Variants in CUL3 observed in about 807,000 individuals in gnomAD.
CUL3 encodes cullin 3.
In CUL3, 19 loss-of-function variants were observed where a neutral mutation model predicts 89.1. The ratio of observed to expected loss-of-function variants is 0.21; its 90% CI spans 0.15 to 0.31. The LOEUF (loss-of-function observed/expected upper bound fraction) is 0.31. Ranked by LOEUF, CUL3 falls within the 10% of genes least tolerant of loss-of-function variation. CUL3 has a pLI of 1.00. For missense variants in CUL3, 469 were observed against 942.3 expected, an observed-to-expected ratio of 0.50 and a Z score of 6.58; for synonymous variants, 351 against 308.4, an observed-to-expected ratio of 1.14 and a Z score of -1.45.
intron 1 of CUL3, among the ~76,000 whole-genome samples, chr2:224,573,126 C>T (rs1428411063): frequency 6.6e-6 from 1 of 152,114 alleles, no homozygotes. Context: ...TAAATTATTA[C>T]TAGAGAATTT....
At chr2:224,542,971 G>A (rs1311753829) in intron 2 of CUL3, among the ~76,000 whole-genome samples, 1 of 152,186 alleles carries the variant, frequency 6.6e-6, no homozygotes, top group Non-Finnish European at 1.5e-5. Flanking sequence ...AGAGCTGAAG[G>A]ACATAATGTG....
chr2:224,523,124 G>T (rs1295276771), intron 3 of CUL3, among the ~76,000 whole-genome samples: 1 of 152,140 alleles, frequency 6.6e-6, no homozygotes, highest in Non-Finnish European at 1.5e-5. Context: ...ACCTGTATTA[G>T]AGAAGCAATA....
intron 13 of CUL3, among the ~76,000 whole-genome samples, chr2:224,490,189 C>T (rs930415866): frequency 6.6e-5 from 10 of 152,176 alleles, no homozygotes; most frequent in South Asian, 2.1e-4. Context: ...TCAGTGGTCA[C>T]GCTCCTAGTC....
intron 2 of CUL3, among the ~76,000 whole-genome samples, chr2:224,556,051 C>A (rs892339099): frequency 6.6e-6 from 1 of 152,244 alleles, no homozygotes; most frequent in African/African-American, 2.4e-5. Context: ...AACACAATCA[C>A]CTTGCTTCAT....
chr2:224,554,792 T>TA (rs1321412928), intron 2 of CUL3, among the ~76,000 whole-genome samples: 1 of 152,222 alleles, frequency 6.6e-6, no homozygotes, highest in Admixed American at 6.5e-5. Context: ...CTTCCAAGTT[T>TA]ACTTCTTTTC....
intron 6 of CUL3, among the ~76,000 whole-genome samples, chr2:224,509,867 G>C (rs908906609): frequency 6.6e-6 from 1 of 152,190 alleles, no homozygotes; most frequent in African/African-American, 2.4e-5. Context: ...CAGTCTACCA[G>C]AGACCACTTA....
intron 3 of CUL3, among the ~76,000 whole-genome samples, chr2:224,534,949 C>A (rs937843076): frequency 6.6e-6 from 1 of 151,036 alleles, no homozygotes; most frequent in Non-Finnish European, 1.5e-5. Context: ...TGCAGTGAGC[C>A]GAGATCATGC....
chr2:224,491,046 T>C (rs1228788183), intron 13 of CUL3, among the ~76,000 whole-genome samples: 1 of 152,202 alleles, frequency 6.6e-6, no homozygotes, highest in Non-Finnish European at 1.5e-5. Flanking sequence ...ACAAATTCCT[T>C]CCCCTTTCAC....
chr2:224,571,622 G>T (rs1193555517), intron 1 of CUL3, among the ~76,000 whole-genome samples: 1 of 151,524 alleles, frequency 6.6e-6, no homozygotes, highest in Non-Finnish European at 1.5e-5. Flanking sequence ...CTATAAGTCT[G>T]TTTAAAACTT....
chr2:224,491,747 G>A (rs536981487), intron 13 of CUL3, among the ~76,000 whole-genome samples: 141 of 152,234 alleles, frequency 9.3e-4, no homozygotes, highest in African/African-American at 3.2e-3. Flanking sequence ...CTAAGGTGGC[G>A]ATGAGTCCCC....
intron 1 of CUL3, among the ~76,000 whole-genome samples, chr2:224,562,296 A>G (rs1299152128): frequency 6.6e-6 from 1 of 151,984 alleles, no homozygotes; most frequent in Non-Finnish European, 1.5e-5. Context: ...GGGCTGCAGG[A>G]AAAAATGTTC....
chr2:224,497,142 T>C (rs1314263522), intron 12 of CUL3, among the ~76,000 whole-genome samples: 1 of 152,154 alleles, frequency 6.6e-6, no homozygotes, highest in Non-Finnish European at 1.5e-5. Flanking sequence ...GATGACAATT[T>C]AGGTATATTT....
intron 1 of CUL3, among the ~76,000 whole-genome samples, chr2:224,576,845 ACTCT>A (rs566111128): frequency 1.2e-4 from 18 of 152,158 alleles, no homozygotes; most frequent in Admixed American, 8.5e-4. Context: ...TTACACACTT[ACTCT>A]AAGGATTACA....
intron 1 of CUL3, among the ~76,000 whole-genome samples, chr2:224,566,850 T>C (rs1038210203): frequency 2.6e-5 from 4 of 152,310 alleles, no homozygotes; most frequent in Admixed American, 6.5e-5. Context: ...AAAAAGTATT[T>C]TGCAAAAAGC....
intron 1 of CUL3, among the ~76,000 whole-genome samples, chr2:224,574,360 T>A (rs1283573161): frequency 6.6e-6 from 1 of 152,184 alleles, no homozygotes; most frequent in African/African-American, 2.4e-5. Context: ...TAGCAACAGA[T>A]TTGGATTAGG....
At chr2:224,558,016 G>A (rs1441641144) in intron 1 of CUL3, among the ~76,000 whole-genome samples, 160 bp from the exon 2 acceptor site, 1 of 151,434 alleles carries the variant, frequency 6.6e-6, no homozygotes, top group Non-Finnish European at 1.5e-5. Context: ...ATTTTAACAG[G>A]GGGAAAAAAA....
Position 224,473,784 on chromosome 2 carries a change from T to C in CUL3, c.*461A>G, listed in dbSNP as rs897955766. The C allele has an allele frequency of 1.0e-5, 2 of 191,702 alleles. No homozygotes were observed. Among genetic ancestry groups the C allele is most frequent in the Non-Finnish European group, 2.2e-5 (2 of 91,420 alleles). The allele number at this position is 191,702 out of a possible 1,614,324, so 11.9% of individuals were successfully genotyped here. The stretch of plus-strand genomic sequence containing the variant: ...AATAAGACTAGCTAAAGAAATGTCT[T>C]CAGAGCAAGATAACTGGGAAATCTG... On this transcript the variant is annotated 3_prime_UTR_variant, in exon 16 of 16. Coordinates refer to ENST00000264414, the MANE Select transcript of CUL3 (RefSeq NM_003590.5).
At chr2:224,502,942 T>C (rs1378976244) in intron 10 of CUL3, 23 bp downstream of exon 10, 7 of 1,533,682 alleles carry the variant, frequency 4.6e-6, no homozygotes, top group Admixed American at 1.7e-5. Context: ...AATATCTAAG[T>C]AGAAATTAAC....
At chr2:224,483,777 TGGA>T (rs1208256210) in intron 13 of CUL3, among the ~76,000 whole-genome samples, 2 of 152,196 alleles carry the variant, frequency 1.3e-5, no homozygotes, top group African/African-American at 4.8e-5. Flanking sequence ...ATGACACAAG[TGGA>T]GATTTAGACT....
Sources: gnomAD v4.1 joint callset for allele counts (sites outside exome capture counted in the v4.1 genomes callset) on GRCh38, gnomAD v4.1.1 for gene constraint, MANE v1.5 for transcripts, NCBI Gene and HGNC (gene_info 2026-07-23, HGNC 2026-07-21) for gene names.